The following PDGFRL variants were observed in gnomAD, a reference collection of about 807,000 sequenced individuals.
The protein encoded by PDGFRL is platelet derived growth factor receptor like, also known as platelet-derived growth factor receptor-like protein.
In PDGFRL, 46 loss-of-function variants were observed where a neutral mutation model predicts 37.2. That is an observed-to-expected ratio of 1.24 (90% CI 0.98 to 1.58). The LOEUF is 1.58. PDGFRL is among the 40% of genes most tolerant of loss of function. PDGFRL has a pLI of 0.00. For missense variants in PDGFRL, 692 were observed against 467.6 expected, an observed-to-expected ratio of 1.48 and a Z score of -4.43; for synonymous variants, 251 against 184.3, an observed-to-expected ratio of 1.36 and a Z score of -2.93.
intron 5 of PDGFRL, among the ~76,000 whole-genome samples, chr8:17,641,134 G>C (rs947283686): frequency 4.5e-4 from 69 of 152,192 alleles, no homozygotes; most frequent in Non-Finnish European, 5.9e-5. Flanking sequence ...CCTGCCAACA[G>C]CACCGAGTTT....
Position 17,630,548 on chromosome 8 carries a change from A to T in PDGFRL, c.799+1768A>T, listed in dbSNP as rs981987736. ...ATCTTCAGTCCCAACAATTCATCCA[A>T]GCCTGCTTTCTGCTCTTCCTGTCAC... On this transcript the variant is annotated intron_variant, in intron 4 of 5. Transcript: ENST00000251630. Among the ~76,000 whole-genome samples the T allele has an allele frequency of 2.0e-5, 3 of 152,102 alleles. No homozygotes were observed. The East Asian group carries it at 5.8e-4, about 29-fold the overall frequency.
intron 3 of PDGFRL, among the ~76,000 whole-genome samples, chr8:17,622,259 G>A (rs1313493440): frequency 1.3e-5 from 2 of 152,232 alleles, no homozygotes; most frequent in African/African-American, 4.8e-5. Flanking sequence ...TCAGAAGTCA[G>A]TAAGAGCTTT....
At chr8:17,580,128 C>T (rs1278207117) in intron 1 of PDGFRL, among the ~76,000 whole-genome samples, 1 of 152,072 alleles carries the variant, frequency 6.6e-6, no homozygotes, top group African/African-American at 2.4e-5. Flanking sequence ...ATCCTTGATC[C>T]ATGCTAATCT....
At chr8:17,578,555 C>T (rs141041914) in intron 1 of PDGFRL, among the ~76,000 whole-genome samples, 195 of 152,278 alleles carry the variant, frequency 1.3e-3, no homozygotes, top group African/African-American at 4.4e-3. Flanking sequence ...ATGCTCCTGG[C>T]AGGCCCTTGT....
At chr8:17,623,251 G>A (rs1804666686) in intron 3 of PDGFRL, among the ~76,000 whole-genome samples, 1 of 152,168 alleles carries the variant, frequency 6.6e-6, no homozygotes, top group Admixed American at 6.5e-5. Flanking sequence ...GGTGAAGGAT[G>A]GACTGATAGC....
chr8:17,576,751 G>A, upstream of PDGFRL: 5 of 945,026 alleles, frequency 5.3e-6, no homozygotes, highest in Non-Finnish European at 6.3e-6. Context: ...CCGGGGCAAC[G>A]GTCCTGTGAG....
chr8:17,588,054 A>T (rs1803854208), intron 1 of PDGFRL, among the ~76,000 whole-genome samples: 1 of 152,162 alleles, frequency 6.6e-6, no homozygotes, highest in African/African-American at 2.4e-5. Flanking sequence ...CCCTGGATGC[A>T]GGCAATAAGG....
intron 5 of PDGFRL, among the ~76,000 whole-genome samples, chr8:17,635,879 G>T (rs1804961435): frequency 6.6e-6 from 1 of 152,344 alleles, no homozygotes; most frequent in South Asian, 2.1e-4. Flanking sequence ...CATTAGTGAT[G>T]TTGAGTACGT....
At chr8:17,628,854 C>T in intron 4 of PDGFRL, 74 bp downstream of exon 4, 1 of 982,614 alleles carries the variant, frequency 1.0e-6, no homozygotes, top group Non-Finnish European at 1.6e-6. Context: ...TCCCTGCCTG[C>T]AGATGGAATA....
chr8:17,638,609 G>A (rs1219381095), intron 5 of PDGFRL, among the ~76,000 whole-genome samples: 1 of 151,044 alleles, frequency 6.6e-6, no homozygotes, highest in Non-Finnish European at 1.5e-5. Flanking sequence ...TTGATGTTCT[G>A]TCTTGATTAC....
chr8:17,634,143 G>C lies in PDGFRL; in HGVS notation c.869G>C (p.Ser290Thr). 1 of 1,613,304 alleles carries C rather than the reference G, an allele frequency of 6.2e-7. No individual in the cohort carries two copies. The highest frequency in any genetic ancestry group is 8.5e-7 in the Non-Finnish European group (1 of 1,179,206). ...AAAGTGAAAAGTGGGGACGACATCA[G>C]TGTGCTCTGCACTGTCCTGGGGGAG... The part of the protein sequence containing the change: ...SNKVKSGDDI[S>T]VLCTVLGEPD... The change falls in exon 5 of 6, where the codon AGT (serine) becomes ACT (threonine). Residue 290 changes from serine to threonine, a missense_variant. Physicochemically the swap from Ser to Thr is moderately conservative, Grantham distance 58. Transcript: ENST00000251630.
At chr8:17,639,467 G>A (rs188121226) in intron 5 of PDGFRL, among the ~76,000 whole-genome samples, 1 of 152,222 alleles carries the variant, frequency 6.6e-6, no homozygotes, top group African/African-American at 2.4e-5. Context: ...ACAGTGCTGG[G>A]TTTGTAGTGG....
At chr8:17,594,902 G>A (rs1804019711) in intron 2 of PDGFRL, among the ~76,000 whole-genome samples, 1 of 152,166 alleles carries the variant, frequency 6.6e-6, no homozygotes, top group Admixed American at 6.5e-5. Flanking sequence ...CCACCTTCTG[G>A]CTGTTGTGAA....
chr8:17,628,676 T>C lies in PDGFRL; in HGVS notation c.695T>C (p.Val232Ala). The stretch of plus-strand genomic sequence containing the variant: ...GTTTATGACATGAAGCGGGGCTTTG[T>C]GTATCTGCAACCTCATTCCGAGCAC... ...DIVYDMKRGF[V>A]YLQPHSEHQG... The change falls in exon 4 of 6, where the codon GTG becomes GCG. Residue 232 changes from valine to alanine, a missense_variant. Physicochemically the swap from Val to Ala is moderately conservative, Grantham distance 64. Transcript: ENST00000251630. 6.2e-7 allele frequency: 1 copy of C among 1,614,096 alleles called. No homozygotes were observed.
intron 2 of PDGFRL, among the ~76,000 whole-genome samples, chr8:17,615,844 G>C (rs1377241909): frequency 3.3e-5 from 5 of 152,228 alleles, no homozygotes; most frequent in African/African-American, 1.2e-4. Context: ...AGGAGTTTGA[G>C]GCTGTAGTGA....
intron 3 of PDGFRL, among the ~76,000 whole-genome samples, chr8:17,627,632 G>C (rs1001249259): frequency 2.1e-5 from 3 of 146,288 alleles, no homozygotes; most frequent in African/African-American, 8.1e-5. Context: ...ACCACACTCA[G>C]CTAATTTTTT....
chr8:17,591,508 C>T (rs184383105), intron 2 of PDGFRL, among the ~76,000 whole-genome samples: 70 of 152,278 alleles, frequency 4.6e-4, no homozygotes, highest in African/African-American at 1.6e-3. Flanking sequence ...TAGGGGATGA[C>T]ATGATTTCTA....
chr8:17,587,690 T>G (rs1232261363), intron 1 of PDGFRL, among the ~76,000 whole-genome samples: 1 of 151,550 alleles, frequency 6.6e-6, no homozygotes, highest in Non-Finnish European at 1.5e-5. Flanking sequence ...TGCAGTGGTG[T>G]GATCTCGGCT....
At chr8:17,627,803 T>A (rs571672043) in intron 3 of PDGFRL, among the ~76,000 whole-genome samples, 64 of 151,864 alleles carry the variant, frequency 4.2e-4, no homozygotes, top group African/African-American at 1.4e-3. Flanking sequence ...TTAAAGCAAC[T>A]AGTGTGGTCA....
Sources: allele counts gnomAD v4.1 joint callset (sites outside exome capture counted in the v4.1 genomes callset), GRCh38; gene constraint gnomAD v4.1.1; transcripts MANE v1.5; gene names NCBI Gene and HGNC (gene_info 2026-07-23, HGNC 2026-07-21).